HPSE2: variants seen among roughly 807,000 people sequenced by gnomAD.
The protein encoded by HPSE2 is heparanase 2 (inactive).
HPSE2 carries 38 observed loss-of-function variants against 60.5 expected under a neutral mutation model. The ratio of observed to expected loss-of-function variants is 0.63; its 90% CI spans 0.48 to 0.82. The LOEUF is 0.82. Among genes scored for constraint, HPSE2 ranks in the 40% least tolerant of loss-of-function variants. The probability of loss-of-function intolerance (pLI) is 0.00; values close to 1 mark genes in which losing one functional copy is unlikely to be tolerated. For synonymous variants in HPSE2, 295 were observed against 293.2 expected (o/e 1.01, Z -0.06); for missense variants, 713 against 740.4 (o/e 0.96, Z 0.43).
intron 3 of HPSE2, among the ~76,000 whole-genome samples, chr10:98,980,396 A>C (rs959137536): frequency 6.6e-6 from 1 of 152,184 alleles, no homozygotes; most frequent in Non-Finnish European, 1.5e-5. Flanking sequence ...TGAGCAAGGA[A>C]AAAAAATCAA....
chr10:98,659,011 C>T (rs986610840), intron 6 of HPSE2, among the ~76,000 whole-genome samples: 16 of 151,014 alleles, frequency 1.1e-4, no homozygotes, highest in African/African-American at 2.9e-4. Flanking sequence ...CAAAGTTGTA[C>T]AACCATCATC....
chr10:99,028,705 G>A (rs1358947642), intron 3 of HPSE2, among the ~76,000 whole-genome samples: 1 of 152,020 alleles, frequency 6.6e-6, no homozygotes, highest in Non-Finnish European at 1.5e-5. Flanking sequence ...GAATAAAATT[G>A]GAGAAATCAC....
intron 2 of HPSE2, among the ~76,000 whole-genome samples, chr10:99,217,490 C>A (rs1366676346): frequency 3.9e-5 from 6 of 152,032 alleles, no homozygotes; most frequent in Non-Finnish European, 8.8e-5. Context: ...ATGCTGTGTG[C>A]ATTTTAGAAC....
intron 6 of HPSE2, among the ~76,000 whole-genome samples, chr10:98,643,840 A>G (rs935919183): frequency 1.3e-5 from 2 of 152,268 alleles, no homozygotes; most frequent in Non-Finnish European, 2.9e-5. Context: ...TTGCTACTAT[A>G]TTATATGGTG....
intron 6 of HPSE2, among the ~76,000 whole-genome samples, chr10:98,656,641 C>G (rs1158977424): frequency 6.6e-6 from 1 of 152,064 alleles, no homozygotes; most frequent in Non-Finnish European, 1.5e-5. Context: ...CTCATGAAAA[C>G]TTACTTTAAT....
intron 6 of HPSE2, among the ~76,000 whole-genome samples, chr10:98,666,006 C>T (rs1947353819): frequency 6.6e-6 from 1 of 152,156 alleles, no homozygotes. Flanking sequence ...GATAAAATGA[C>T]TAGACCCAAC....
intron 9 of HPSE2, among the ~76,000 whole-genome samples, chr10:98,584,057 T>C (rs1243953635): frequency 6.6e-6 from 1 of 152,194 alleles, no homozygotes; most frequent in East Asian, 1.9e-4. Flanking sequence ...GGTAACTCTG[T>C]TTAACTTTTT....
intron 9 of HPSE2, among the ~76,000 whole-genome samples, chr10:98,517,863 C>T (rs375180222): frequency 3.3e-5 from 5 of 152,236 alleles, no homozygotes; most frequent in Non-Finnish European, 7.3e-5. Flanking sequence ...TATTTGACTG[C>T]GGTCAAAACT....
chr10:98,727,819 T>C lies in HPSE2; in HGVS notation c.785-5991A>G, dbSNP rs752565923. Among the ~76,000 whole-genome samples the C allele has an allele frequency of 6.6e-4, 101 of 152,204 alleles. 1 individual carries two copies. Among genetic ancestry groups the C allele is most frequent in the South Asian group, 4.1e-4 (2 of 4,826 alleles). ...TATTGAACTTAAATGACTAATCTCA[T>C]ACAGGAGAACACAATGAGATTAACA... On this transcript the variant is annotated intron_variant, in intron 4 of 11. Coordinates refer to ENST00000370552, the MANE Select transcript of HPSE2 (RefSeq NM_021828.5).
intron 2 of HPSE2, among the ~76,000 whole-genome samples, chr10:99,163,443 G>T (rs948933462): frequency 6.6e-6 from 1 of 152,034 alleles, no homozygotes; most frequent in Admixed American, 6.5e-5. Context: ...TCCTCAGAAA[G>T]ATAACCACCA....
chr10:98,485,338 A>G (rs1407508753), intron 10 of HPSE2, among the ~76,000 whole-genome samples: 2 of 152,116 alleles, frequency 1.3e-5, no homozygotes, highest in African/African-American at 4.8e-5. Context: ...GCTGTGCGTC[A>G]GAAGATTTTT....
At chr10:98,562,608 G>T (rs527322095) in intron 9 of HPSE2, among the ~76,000 whole-genome samples, 1 of 151,918 alleles carries the variant, frequency 6.6e-6, no homozygotes, top group South Asian at 2.1e-4. Context: ...CCAGCTACTC[G>T]GGAGGCTGAG....
At chr10:98,474,227 A>T (rs1296067190) in intron 11 of HPSE2, among the ~76,000 whole-genome samples, 1 of 152,200 alleles carries the variant, frequency 6.6e-6, no homozygotes, top group Non-Finnish European at 1.5e-5. Context: ...GAGTCGTGGT[A>T]TTGAATTAAT....
At chr10:98,761,009 A>G (rs187340514) in intron 3 of HPSE2, among the ~76,000 whole-genome samples, 16 of 152,110 alleles carry the variant, frequency 1.1e-4, no homozygotes, top group Non-Finnish European at 1.6e-4. Context: ...TGGTCTGTTC[A>G]GGTTTTCTAT....
chr10:99,173,255 T>C (rs569568726), intron 2 of HPSE2, among the ~76,000 whole-genome samples: 269 of 152,218 alleles, frequency 1.8e-3, no homozygotes, highest in Non-Finnish European at 3.3e-3. Flanking sequence ...TATGCTCTAA[T>C]AGCAGTATAA....
intron 3 of HPSE2, among the ~76,000 whole-genome samples, chr10:98,838,380 T>A (rs953844483): frequency 6.6e-6 from 1 of 152,186 alleles, no homozygotes; most frequent in Non-Finnish European, 1.5e-5. Context: ...CATAGCTGAA[T>A]GCATTATATT....
At chr10:98,742,788 T>TACACAC (rs1321941899) in intron 4 of HPSE2, among the ~76,000 whole-genome samples, 1 of 77,088 alleles carries the variant, frequency 1.3e-5, no homozygotes, top group Non-Finnish European at 2.6e-5. Context: ...CACACACACA[T>TACACAC]ACATACACAC....
intron 3 of HPSE2, among the ~76,000 whole-genome samples, chr10:98,907,884 C>T (rs1436338833): frequency 2.6e-5 from 4 of 152,114 alleles, no homozygotes; most frequent in Non-Finnish European, 4.4e-5. Flanking sequence ...TCCTGTATCC[C>T]CCAAAACCAT....
chr10:98,951,840 G>T (rs1310559797), intron 3 of HPSE2, among the ~76,000 whole-genome samples: 1 of 152,138 alleles, frequency 6.6e-6, no homozygotes, highest in African/African-American at 2.4e-5. Flanking sequence ...TGCTCAGCCA[G>T]ATTCTCTACT....
Sources: allele counts gnomAD v4.1 joint callset (sites outside exome capture counted in the v4.1 genomes callset), GRCh38; gene constraint gnomAD v4.1.1; transcripts MANE v1.5; gene names NCBI Gene and HGNC (gene_info 2026-07-23, HGNC 2026-07-21).